The following PCM1 variants were observed in gnomAD, a reference collection of about 807,000 sequenced individuals.
PCM1 encodes the protein pericentriolar material 1.
A neutral mutation model predicts 241.9 loss-of-function variants in PCM1; 157 were observed. The observed-to-expected ratio is 0.65, with a 90% CI of 0.57 to 0.74. PCM1 has a LOEUF of 0.74. PCM1 is among the 30% of genes least tolerant of loss of function. PCM1 has a pLI of 0.00. For missense variants in PCM1, 3,478 were observed against 2,360.1 expected (o/e 1.47, Z -9.81); for synonymous variants, 1,085 against 784.9 (o/e 1.38, Z -6.39).
chr8:18,006,600 T>A (rs1179231627), intron 30 of PCM1, among the ~76,000 whole-genome samples: 6 of 152,198 alleles, frequency 3.9e-5, no homozygotes, highest in Admixed American at 1.3e-4. Context: ...GTTTGTATCT[T>A]CATTTAATTT....
At chr8:17,974,993 C>G (rs1485342114) in intron 23 of PCM1, among the ~76,000 whole-genome samples, 1 of 152,074 alleles carries the variant, frequency 6.6e-6, no homozygotes, top group Non-Finnish European at 1.5e-5. Context: ...AAACTCTGAA[C>G]TGTGGACAAG....
chr8:17,933,905 C>T (rs927225085), intron 2 of PCM1, among the ~76,000 whole-genome samples: 16 of 151,558 alleles, frequency 1.1e-4, no homozygotes, highest in African/African-American at 1.7e-4. Context: ...ATGTTGACTG[C>T]TTGTTTATAC....
At chr8:17,969,377 A>G (rs971521541) in intron 21 of PCM1, 200 bp from the exon 22 acceptor site, 2 of 477,778 alleles carry the variant, frequency 4.2e-6, no homozygotes, top group Admixed American at 8.4e-5. Flanking sequence ...GGGATTATTA[A>G]TTGTCTTTGA....
chr8:17,928,739 C>A (rs1296057365), intron 2 of PCM1, among the ~76,000 whole-genome samples: 2 of 149,680 alleles, frequency 1.3e-5, no homozygotes, highest in Non-Finnish European at 3.0e-5. Context: ...TCAAACGATT[C>A]TCCTGCCTCA....
Position 18,027,780 on chromosome 8 carries a change from G to C in PCM1, c.*118G>C. On this transcript the variant is annotated 3_prime_UTR_variant, in exon 39 of 39. Coordinates refer to ENST00000325083, the MANE Select transcript of PCM1 (RefSeq NM_006197.4). ...TAAATTAGTTTGACACTGCTTTTTTGATAGGTGTGGTCATTTCTCCCCATG... is the reference window on the plus strand; with the variant it reads ...TAAATTAGTTTGACACTGCTTTTTTCATAGGTGTGGTCATTTCTCCCCATG... The C allele has an allele frequency of 1.6e-6, 1 of 616,344 alleles. No individual in the cohort carries two copies. Among genetic ancestry groups the C allele is most frequent in the Admixed American group, 2.9e-5 (1 of 34,368 alleles). 38.2% of individuals were successfully genotyped at this position (616,344 alleles called of 1,614,324 possible).
intron 36 of PCM1, among the ~76,000 whole-genome samples, chr8:18,022,025 AAAC>A (rs1454639949): frequency 6.6e-6 from 1 of 152,162 alleles, no homozygotes; most frequent in Admixed American, 6.5e-5. Flanking sequence ...GATCTTTTGG[AAAC>A]AACAGCAGAG....
chr8:17,931,566 A>C (rs1249598680), intron 2 of PCM1, among the ~76,000 whole-genome samples: 1 of 152,188 alleles, frequency 6.6e-6, no homozygotes. Context: ...TAATACATTT[A>C]TCTTACTTTA....
Position 17,947,114 on chromosome 8 carries a change from T to C in PCM1, c.784-72T>C, listed in dbSNP as rs370995924. 49 of 852,914 alleles carry C rather than the reference T, an allele frequency of 5.7e-5. No homozygotes were observed. In the African/African-American group the frequency reaches 7.1e-4, roughly 12 times the overall value. 52.8% of individuals were successfully genotyped at this position (852,914 alleles called of 1,614,324 possible). On this transcript the variant is annotated intron_variant, in intron 6 of 38. Coordinates refer to ENST00000325083, the MANE Select transcript of PCM1 (RefSeq NM_006197.4). ...TAATTTGTTATCAATGTGTATACTTTGCCATTGATAATTGAAACCGCAACA... is the reference window on the plus strand; with the variant it reads ...TAATTTGTTATCAATGTGTATACTTCGCCATTGATAATTGAAACCGCAACA...
intron 36 of PCM1, among the ~76,000 whole-genome samples, chr8:18,021,695 T>C (rs1466975566): frequency 6.6e-6 from 1 of 152,170 alleles, no homozygotes; most frequent in African/African-American, 2.4e-5. Context: ...ATGGACAAAT[T>C]GTATCTTGAA....
intron 29 of PCM1, among the ~76,000 whole-genome samples, chr8:18,001,676 C>T (rs1274791598): frequency 6.6e-6 from 1 of 152,182 alleles, no homozygotes; most frequent in Non-Finnish European, 1.5e-5. Context: ...TACATTGTCA[C>T]TGGGCTAGTT....
chr8:17,965,139 G>T (rs1436011545), intron 18 of PCM1, among the ~76,000 whole-genome samples: 1 of 152,304 alleles, frequency 6.6e-6, no homozygotes, highest in East Asian at 1.9e-4. Flanking sequence ...CTGCCAAATG[G>T]AAGAGGTGTG....
intron 6 of PCM1, among the ~76,000 whole-genome samples, chr8:17,941,452 G>A (rs150260859): frequency 1.3e-5 from 2 of 151,928 alleles, no homozygotes; most frequent in Non-Finnish European, 2.9e-5. Context: ...GTTACAGTAA[G>A]CAACAGTCTA....
chr8:17,989,727 A>C, intron 26 of PCM1, 132 bp from the exon 27 acceptor site: 1 of 631,114 alleles, frequency 1.6e-6, no homozygotes, highest in Non-Finnish European at 2.6e-6. Flanking sequence ...TTGTTTGGAC[A>C]GAATACTGAG....
At chr8:17,980,987 A>T (rs1236347782) in intron 24 of PCM1, among the ~76,000 whole-genome samples, 5 of 152,202 alleles carry the variant, frequency 3.3e-5, no homozygotes, top group African/African-American at 9.7e-5. Flanking sequence ...TAAACAAAGG[A>T]TAGTTACAAT....
Position 17,989,952 on chromosome 8 carries a change from T to C in PCM1, c.4504T>C (p.Phe1502Leu). ...NASVLSVSSNFEPFATDDLGN... is the reference protein window; with the variant it reads ...NASVLSVSSNLEPFATDDLGN... The stretch of plus-strand genomic sequence containing the variant: ...TAGTGTCCTGTCTGTATCATCAAAT[T>C]TTGAGCCTTTTGCAACAGATGATCT... The change falls in exon 27 of 39, where the codon TTT becomes CTT. Residue 1502 changes from phenylalanine to leucine, a missense_variant. Phe to Leu is a conservative substitution (Grantham distance 22). Coordinates refer to ENST00000325083, the MANE Select transcript of PCM1 (RefSeq NM_006197.4). 6.5e-7 allele frequency: 1 copy of C among 1,537,276 alleles called. No homozygotes were observed. The highest frequency in any genetic ancestry group is 8.8e-7 in the Non-Finnish European group (1 of 1,140,268).
At chr8:17,968,710 G>A (rs1447308644) in intron 21 of PCM1, among the ~76,000 whole-genome samples, 2 of 146,044 alleles carry the variant, frequency 1.4e-5, no homozygotes, top group Admixed American at 7.0e-5. Flanking sequence ...CCAGCAATGT[G>A]TATATATATG....
Position 17,980,445 on chromosome 8 carries a change from C to T in PCM1, c.3944-146C>T, listed in dbSNP as rs548762449. 7 of 552,510 alleles carry T rather than the reference C, an allele frequency of 1.3e-5. No individual in the cohort carries two copies. In the African/African-American group the frequency reaches 1.3e-4, roughly 11 times the overall value. 34.2% of individuals were successfully genotyped at this position (552,510 alleles called of 1,614,324 possible). A position where few individuals can be genotyped will look rare whatever the true frequency, so the allele number is the denominator to read the frequency against. The stretch of plus-strand genomic sequence containing the variant: ...GGGTATTGCAAAGATACCTCCAAGA[C>T]ATATTTACTGTTTTGTATTCTATTT... On this transcript the variant is annotated intron_variant, in intron 23 of 38. Transcript: ENST00000325083.
At chr8:17,974,170 AGTAAATTAATTG>A (rs2077836543) in intron 23 of PCM1, among the ~76,000 whole-genome samples, 1 of 152,216 alleles carries the variant, frequency 6.6e-6, no homozygotes, top group African/African-American at 2.4e-5. Flanking sequence ...TGGTTTATTT[AGTAAATTAATTG>A]GTAATCTGAA....
In PCM1 at chr8:17,970,315, C is replaced by T. The variant is rs376283079; in HGVS notation, c.3584+567C>T. Among the ~76,000 whole-genome samples, 3 of 152,054 alleles carry T rather than the reference C, an allele frequency of 2.0e-5. No individual in the cohort carries two copies. In the East Asian group the frequency reaches 5.8e-4, roughly 29 times the overall value. On this transcript the variant is annotated intron_variant, in intron 22 of 38. Coordinates refer to ENST00000325083, the MANE Select transcript of PCM1 (RefSeq NM_006197.4). ...TGTATCTCTCTGATTGTCTTTCCTA[C>T]TCCATAAAAATATATATAATTCACA... is the stretch of plus-strand genomic sequence containing the variant.
Sources: gnomAD v4.1 joint callset for allele counts (sites outside exome capture counted in the v4.1 genomes callset) on GRCh38, gnomAD v4.1.1 for gene constraint, MANE v1.5 for transcripts, NCBI Gene and HGNC (gene_info 2026-07-23, HGNC 2026-07-21) for gene names.